The following SPATA6L variants were observed in gnomAD, a reference collection of about 807,000 sequenced individuals.
SPATA6L encodes spermatogenesis associated 6 like, also known as spermatogenesis associated 6-like protein.
SPATA6L carries 68 observed loss-of-function variants against 49.2 expected under a neutral mutation model. The observed-to-expected ratio is 1.38, with a 90% CI of 1.14 to 1.69. SPATA6L has a LOEUF of 1.69. Ranked by LOEUF, SPATA6L falls within the 40% of genes most tolerant of loss-of-function variation. The pLI, the probability that SPATA6L is intolerant of heterozygous loss-of-function variation, is 0.00. For synonymous variants in SPATA6L, 198 were observed against 165.7 expected (o/e 1.19, Z -1.50); for missense variants, 668 against 464.3 (o/e 1.44, Z -4.03).
intron 1 of SPATA6L, chr9:4,664,402 T>C (rs1840538904): frequency 6.0e-6 from 1 of 167,078 alleles, no homozygotes; most frequent in Non-Finnish European, 1.5e-5. Flanking sequence ...GGTAACAGTA[T>C]TTAACTTGAA....
chr9:4,661,467 T>C (rs1291678257), intron 2 of SPATA6L, among the ~76,000 whole-genome samples: 1 of 115,572 alleles, frequency 8.7e-6, no homozygotes, highest in Admixed American at 9.4e-5. Context: ...AACAGCCTTT[T>C]TGTTACAGGA....
chr9:4,657,388 C>T (rs1013792548), intron 2 of SPATA6L, among the ~76,000 whole-genome samples: 1 of 152,030 alleles, frequency 6.6e-6, no homozygotes, highest in Admixed American at 6.6e-5. Flanking sequence ...GTCTTAAACC[C>T]AGTATCTCAG....
At chr9:4,597,650 G>A (rs77487758), downstream of SPATA6L, among the ~76,000 whole-genome samples, 168 of 152,322 alleles carry the variant, frequency 1.1e-3, 3 homozygotes, top group East Asian at 0.028. Flanking sequence ...TCAGTGTGGA[G>A]GATGGGGCTC....
chr9:4,663,483 T>C, intron 1 of SPATA6L: 1 of 544,948 alleles, frequency 1.8e-6, no homozygotes, highest in Non-Finnish European at 3.3e-6. Context: ...CAAAAAATCC[T>C]CTATTGTATA....
At chr9:4,596,230 C>T (rs553197200), downstream of SPATA6L, among the ~76,000 whole-genome samples, 69 of 152,208 alleles carry the variant, frequency 4.5e-4, no homozygotes, top group African/African-American at 1.5e-3. Flanking sequence ...CAGGGTCCTG[C>T]GCAATACTGA....
rs566274782 is a variant in SPATA6L at position 4,629,179 on chromosome 9, G to A, written c.352-11C>T. 6 of 1,549,196 alleles carry A rather than the reference G, an allele frequency of 3.9e-6. No homozygotes were observed. Among genetic ancestry groups the A allele is most frequent in the Non-Finnish European group, 4.4e-6 (5 of 1,144,418 alleles). Reference sequence around the variant, plus strand: ...TTTGGGAGCAATGCCCTATAAAACAGCATAAAAAAAGCAAATAAAATTACT... The same window carrying A: ...TTTGGGAGCAATGCCCTATAAAACAACATAAAAAAAGCAAATAAAATTACT... On this transcript the variant is annotated splice_polypyrimidine_tract_variant and intron_variant, in intron 4 of 11. Transcript: ENST00000682582.
rs1721884828 is a variant in SPATA6L at position 4,598,460 on chromosome 9, G to A, written c.*2351C>T. Reference sequence around the variant, plus strand: ...CCCCAGCATGATTCCTCAAAATTGAGATAACTCCTTGAGAAACAAAAGTAA... The same window carrying A: ...CCCCAGCATGATTCCTCAAAATTGAAATAACTCCTTGAGAAACAAAAGTAA... On this transcript the variant is annotated 3_prime_UTR_variant, in exon 12 of 12. Coordinates refer to ENST00000682582, the MANE Select transcript of SPATA6L (RefSeq NM_001353486.2). Among the ~76,000 whole-genome samples the A allele has an allele frequency of 2.0e-5, 3 of 151,972 alleles. No individual in the cohort carries two copies. The highest frequency in any genetic ancestry group is 2.0e-4 in the Admixed American group (3 of 15,262).
Position 4,662,279 on chromosome 9 carries a change from C to T in SPATA6L, c.40-243G>A, listed in dbSNP as rs1016241264. 9.1e-6 allele frequency: 13 copies of T among 1,434,868 alleles called. No homozygotes were observed. Among genetic ancestry groups the T allele is most frequent in the Non-Finnish European group, 1.2e-5 (13 of 1,099,998 alleles). The allele number at this position is 1,434,868 out of a possible 1,614,324, so 88.9% of individuals were successfully genotyped here. A position where few individuals can be genotyped will look rare whatever the true frequency, so the allele number is the denominator to read the frequency against. ...GCGCTCTCGCCGGCTCCTCTCCCCGCCCCTCCGGGATGGTAGTGCGGAAGC... is the reference window on the plus strand; with the variant it reads ...GCGCTCTCGCCGGCTCCTCTCCCCGTCCCTCCGGGATGGTAGTGCGGAAGC... On this transcript the variant is annotated intron_variant, in intron 1 of 11. Coordinates refer to ENST00000682582, the MANE Select transcript of SPATA6L (RefSeq NM_001353486.2). The surrounding 1 kb of genome is among the most constrained non-coding windows in gnomAD (Gnocchi z 4.9).
At chr9:4,613,944 C>T (rs772412537) in intron 9 of SPATA6L, among the ~76,000 whole-genome samples, 2 of 150,408 alleles carry the variant, frequency 1.3e-5, no homozygotes, top group Non-Finnish European at 3.0e-5. Context: ...ATGAAGCTAG[C>T]ATTTAAAAAC....
intron 7 of SPATA6L, 127 bp downstream of exon 7, chr9:4,622,281 G>A (rs530685337): frequency 3.1e-6 from 2 of 638,834 alleles, no homozygotes; most frequent in South Asian, 2.0e-5. Flanking sequence ...TTCCACAGCT[G>A]GAGAGTACTT....
chr9:4,641,822 G>C (rs1192223956), intron 3 of SPATA6L, among the ~76,000 whole-genome samples: 1 of 152,208 alleles, frequency 6.6e-6, no homozygotes, highest in Admixed American at 6.5e-5. Flanking sequence ...GCCCAAGCTG[G>C]AGTGCAGTGG....
At chr9:4,621,011 G>C (rs1829170880) in intron 7 of SPATA6L, among the ~76,000 whole-genome samples, 1 of 152,218 alleles carries the variant, frequency 6.6e-6, no homozygotes, top group African/African-American at 2.4e-5. Flanking sequence ...CACAGTCTAA[G>C]AACACTGGCT....
Position 4,591,450 on chromosome 9 carries a change from T to C in SPATA6L, c.*255-2489A>G, listed in dbSNP as rs181524843. The stretch of plus-strand genomic sequence containing the variant: ...GGGTCTTTAGGAAACTAGGCAGGTC[T>C]GATGGATCTCAGAGAAGTGCTACTG... On this transcript the variant is annotated intron_variant and NMD_transcript_variant, in intron 13 of 13. Coordinates refer to the SPATA6L transcript ENST00000461761. Among the ~76,000 whole-genome samples, 1,156 of 152,350 alleles carry C rather than the reference T, an allele frequency of 7.6e-3. 9 individuals are homozygous for C. Among genetic ancestry groups the C allele is most frequent in the Non-Finnish European group, 0.012 (790 of 68,026 alleles).
Position 4,641,299 on chromosome 9 carries a change from A to T in SPATA6L, c.227-5900T>A, listed in dbSNP as rs555460677. ...GTATCCACAGGAGGTTGGTTTCAGG[A>T]ACCCTTGCAGATATGAAAATATCCA... On this transcript the variant is annotated intron_variant, in intron 3 of 11. Transcript: ENST00000682582. Among the ~76,000 whole-genome samples the T allele has an allele frequency of 3.3e-5, 5 of 152,302 alleles. No homozygotes were observed. In the South Asian group the frequency reaches 1.0e-3, roughly 32 times the overall value.
At chr9:4,598,041 T>C (rs1211109937), downstream of SPATA6L, among the ~76,000 whole-genome samples, 1 of 152,168 alleles carries the variant, frequency 6.6e-6, no homozygotes, top group Admixed American at 6.5e-5. Flanking sequence ...GTCAAACATA[T>C]CATTTGCACT....
chr9:4,662,359 C>T lies in SPATA6L; in HGVS notation c.40-323G>A, dbSNP rs1325784047. ...GTTTGGTCCGGCCAGGTCCCGGGAT[C>T]CGGGCCGCCAGCTGCGATGCCAAGT... On this transcript the variant is annotated intron_variant, in intron 1 of 11. Transcript: ENST00000682582. This position sits in a 1 kb window ranked among gnomAD's most constrained non-coding sequence, Gnocchi z 4.9. 1.3e-6 allele frequency: 2 copies of T among 1,489,330 alleles called. No individual in the cohort carries two copies. The highest frequency in any genetic ancestry group is 1.8e-6 in the Non-Finnish European group (2 of 1,127,124). The allele number at this position is 1,489,330 out of a possible 1,614,324, so 92.3% of individuals were successfully genotyped here.
At chr9:4,615,786 A>G (rs367677518) in intron 9 of SPATA6L, among the ~76,000 whole-genome samples, 6 of 152,202 alleles carry the variant, frequency 3.9e-5, no homozygotes, top group African/African-American at 1.4e-4. Flanking sequence ...ACAGTTGCCC[A>G]ATAACAGCAT....
intron 9 of SPATA6L, among the ~76,000 whole-genome samples, chr9:4,607,179 G>A (rs891084220): frequency 7.9e-5 from 12 of 152,110 alleles, no homozygotes; most frequent in Admixed American, 6.5e-5. Flanking sequence ...TGGTATACCT[G>A]AAAGTGACGG....
In SPATA6L at chr9:4,605,215, C is replaced by G. The variant is rs538123027; in HGVS notation, c.1089+132G>C. On this transcript the variant is annotated intron_variant, in intron 10 of 11. Coordinates refer to ENST00000682582, the MANE Select transcript of SPATA6L (RefSeq NM_001353486.2). ...CAATCTCAGGACAACAGGTAATCTC[C>G]TTGGTAAGCCTCACAATTTTCCACT... 4.3e-6 allele frequency: 3 copies of G among 694,340 alleles called. No individual in the cohort carries two copies. The African/African-American group carries it at 5.3e-5, about 12-fold the overall frequency. 43.0% of individuals were successfully genotyped at this position (694,340 alleles called of 1,614,324 possible). A position where few individuals can be genotyped will look rare whatever the true frequency, so the allele number is the denominator to read the frequency against.
Sources: allele counts gnomAD v4.1 joint callset (sites outside exome capture counted in the v4.1 genomes callset), GRCh38; gene constraint gnomAD v4.1.1; non-coding constraint Gnocchi (gnomAD v3.1); transcripts MANE v1.5; gene names NCBI Gene and HGNC (gene_info 2026-07-23, HGNC 2026-07-21).